Variants in HECW2 observed in about 807,000 individuals in gnomAD.
HECW2 encodes the protein E3 ubiquitin-protein ligase HECW2.
A neutral mutation model predicts 175.2 loss-of-function variants in HECW2; 61 were observed. The observed-to-expected ratio is 0.35, with a 90% CI of 0.28 to 0.43. The LOEUF is 0.43. Ranked by LOEUF, HECW2 falls within the 20% of genes least tolerant of loss-of-function variation. The pLI is 1.00. For synonymous variants in HECW2, 671 were observed against 731.0 expected, an observed-to-expected ratio of 0.92 and a Z score of 1.32; for missense variants, 1,524 against 2,000.5, an observed-to-expected ratio of 0.76 and a Z score of 4.54.
chr2:196,484,453 T>C (rs1232191560), intron 1 of HECW2, among the ~76,000 whole-genome samples: 2 of 152,196 alleles, frequency 1.3e-5, no homozygotes, highest in Non-Finnish European at 2.9e-5. Flanking sequence ...TCCTGAAGGC[T>C]GCCCAGCACA....
chr2:196,431,689 A>G (rs914201891), intron 2 of HECW2, among the ~76,000 whole-genome samples: 4 of 152,220 alleles, frequency 2.6e-5, no homozygotes, highest in African/African-American at 9.7e-5. Flanking sequence ...TAATGATACA[A>G]ATGTAATTTT....
intron 20 of HECW2, among the ~76,000 whole-genome samples, chr2:196,241,655 A>G (rs1462867621): frequency 6.6e-6 from 1 of 152,224 alleles, no homozygotes; most frequent in Non-Finnish European, 1.5e-5. Flanking sequence ...AACATTCATG[A>G]CATGTTCTGC....
intron 1 of HECW2, among the ~76,000 whole-genome samples, chr2:196,474,509 C>T (rs1181091142): frequency 1.3e-5 from 2 of 152,204 alleles, no homozygotes; most frequent in African/African-American, 2.4e-5. Context: ...CAAAAGAAAG[C>T]CTTCTCAAAG....
At chr2:196,411,359 T>C (rs767289831) in intron 2 of HECW2, among the ~76,000 whole-genome samples, 1 of 152,186 alleles carries the variant, frequency 6.6e-6, no homozygotes, top group African/African-American at 2.4e-5. Context: ...TCTTCCTTTT[T>C]AGTGGGTGCT....
chr2:196,554,308 A>C (rs1387669822), intron 1 of HECW2, among the ~76,000 whole-genome samples: 1 of 152,120 alleles, frequency 6.6e-6, no homozygotes, highest in African/African-American at 2.4e-5. Context: ...CCTGGGCGAC[A>C]GAATGAGACT....
intron 13 of HECW2, among the ~76,000 whole-genome samples, chr2:196,305,129 G>A (rs1164499076): frequency 1.3e-5 from 2 of 152,082 alleles, no homozygotes; most frequent in Admixed American, 6.6e-5. Context: ...TGTAATTCTG[G>A]TTATGACATT....
At chr2:196,540,148 A>T (rs1689162586) in intron 1 of HECW2, among the ~76,000 whole-genome samples, 1 of 152,236 alleles carries the variant, frequency 6.6e-6, no homozygotes, top group South Asian at 2.1e-4. Context: ...ACAACTTGTA[A>T]CTGTAAACAT....
At chr2:196,471,461 T>C (rs532495827) in intron 1 of HECW2, among the ~76,000 whole-genome samples, 20 of 152,274 alleles carry the variant, frequency 1.3e-4, no homozygotes, top group African/African-American at 4.3e-4. Context: ...AATCCTATTA[T>C]TGGATATATA....
chr2:196,204,294 G>T (rs951924104), intron 28 of HECW2, among the ~76,000 whole-genome samples: 2 of 152,050 alleles, frequency 1.3e-5, no homozygotes, highest in African/African-American at 4.8e-5. Context: ...GTGCACAAGG[G>T]TTCCAATTTC....
At chr2:196,480,609 A>G (rs1686808552) in intron 1 of HECW2, among the ~76,000 whole-genome samples, 1 of 152,258 alleles carries the variant, frequency 6.6e-6, no homozygotes, top group Admixed American at 6.5e-5. Flanking sequence ...TGGGAAGAGC[A>G]CTGAATAGGG....
At chr2:196,575,226 T>C (rs1690521644) in intron 1 of HECW2, among the ~76,000 whole-genome samples, 1 of 149,104 alleles carries the variant, frequency 6.7e-6, no homozygotes, top group Admixed American at 6.7e-5. Flanking sequence ...CAATAAGATA[T>C]CACCTCACAC....
chr2:196,332,477 ACT>A (rs1233565544), intron 4 of HECW2, among the ~76,000 whole-genome samples: 6 of 152,206 alleles, frequency 3.9e-5, no homozygotes, highest in Non-Finnish European at 8.8e-5. Context: ...AATACACTAT[ACT>A]GATTGCCAGT....
intron 1 of HECW2, among the ~76,000 whole-genome samples, chr2:196,480,728 C>T (rs562391733): frequency 1.3e-5 from 2 of 152,270 alleles, no homozygotes; most frequent in South Asian, 2.1e-4. Context: ...TTTTCAGTGA[C>T]GTGAGTAAAA....
chr2:196,307,961 T>C lies in HECW2; in HGVS notation c.2559A>G (p.Ile853Met), dbSNP rs1559028100. 6.3e-7 allele frequency: 1 copy of C among 1,579,390 alleles called. No individual in the cohort carries two copies. Among genetic ancestry groups the C allele is most frequent in the Non-Finnish European group, 8.6e-7 (1 of 1,156,290 alleles). Residue 853 changes from isoleucine (I) to methionine (M), a missense_variant, in exon 11 of 29, where the codon ATA becomes ATG. By Grantham distance (10) the Ile-to-Met change is conservative. Transcript: ENST00000644978. ...GCCGGTTCAGCTGCTCCATTTGCTGTATGGAGTTAGATCTCTGCAGCACCT... is the reference window on the plus strand; with the variant it reads ...GCCGGTTCAGCTGCTCCATTTGCTGCATGGAGTTAGATCTCTGCAGCACCT... ...APQVLQRSNS[I>M]QQMEQLNRRY...
At chr2:196,457,097 T>C (rs2125317817) in intron 1 of HECW2, among the ~76,000 whole-genome samples, 1 of 152,290 alleles carries the variant, frequency 6.6e-6, no homozygotes, top group East Asian at 1.9e-4. Flanking sequence ...GCCTAATGAG[T>C]AGGTACGGCA....
intron 3 of HECW2, among the ~76,000 whole-genome samples, chr2:196,337,797 C>G (rs147423740): frequency 6.6e-6 from 1 of 151,982 alleles, no homozygotes; most frequent in African/African-American, 2.4e-5. Flanking sequence ...GACCTGATAT[C>G]GGCTGAGCCA....
chr2:196,513,884 T>G (rs552275620), intron 1 of HECW2, among the ~76,000 whole-genome samples: 2 of 152,194 alleles, frequency 1.3e-5, no homozygotes, highest in Non-Finnish European at 2.9e-5. Context: ...TTTCTAGCAT[T>G]TGGGCACTGC....
intron 1 of HECW2, among the ~76,000 whole-genome samples, chr2:196,541,535 C>T (rs1032172222): frequency 1.3e-5 from 2 of 151,986 alleles, no homozygotes; most frequent in African/African-American, 2.4e-5. Context: ...GATGAAAGCA[C>T]GGAGGAAGGC....
At chr2:196,476,750 A>C (rs1474586145) in intron 1 of HECW2, among the ~76,000 whole-genome samples, 1 of 152,126 alleles carries the variant, frequency 6.6e-6, no homozygotes, top group Non-Finnish European at 1.5e-5. Context: ...GTTACTGATA[A>C]ATTCAGAAAA....
Sources: gnomAD v4.1 joint callset for allele counts (sites outside exome capture counted in the v4.1 genomes callset) on GRCh38, gnomAD v4.1.1 for gene constraint, MANE v1.5 for transcripts, NCBI Gene and HGNC (gene_info 2026-07-23, HGNC 2026-07-21) for gene names.